The following SUMF1 variants were observed in gnomAD, a reference collection of about 807,000 sequenced individuals.
SUMF1 encodes formylglycine-generating enzyme.
SUMF1 carries 48 observed loss-of-function variants against 47.6 expected under a neutral mutation model. The observed-to-expected ratio is 1.01, with a 90% CI of 0.80 to 1.28. SUMF1 has a LOEUF of 1.28. SUMF1 is among the 50% of genes most tolerant of loss of function. The probability of loss-of-function intolerance (pLI) is 0.00; values close to 1 mark genes in which losing one functional copy is unlikely to be tolerated. For synonymous variants in SUMF1, 230 were observed against 192.1 expected (o/e 1.20, Z -1.63); for missense variants, 571 against 485.4 (o/e 1.18, Z -1.66).
chr3:4,299,127 T>A (rs945105462), intron 8 of SUMF1, among the ~76,000 whole-genome samples: 1 of 152,208 alleles, frequency 6.6e-6, no homozygotes, highest in Non-Finnish European at 1.5e-5. Flanking sequence ...TACACAACTA[T>A]ATCTGATAAA....
intron 9 of SUMF1, among the ~76,000 whole-genome samples, chr3:4,058,091 G>C (rs150573762): frequency 6.6e-6 from 1 of 152,100 alleles, no homozygotes; most frequent in African/African-American, 2.4e-5. Context: ...GAAGGAAATT[G>C]TCCCCATTTT....
At chr3:4,381,602 C>G (rs192261947) in intron 7 of SUMF1, among the ~76,000 whole-genome samples, 13 of 152,368 alleles carry the variant, frequency 8.5e-5, no homozygotes, top group African/African-American at 3.1e-4. Flanking sequence ...TTTACTATCA[C>G]TTTTTACTAA....
chr3:4,160,180 C>T (rs1467714695), intron 8 of SUMF1, among the ~76,000 whole-genome samples: 1 of 152,076 alleles, frequency 6.6e-6, no homozygotes, highest in Non-Finnish European at 1.5e-5. Flanking sequence ...TCTTTAAGGC[C>T]AATAACTCTT....
At chr3:4,436,084 C>A (rs189713017) in intron 3 of SUMF1, among the ~76,000 whole-genome samples, 19 of 152,198 alleles carry the variant, frequency 1.2e-4, no homozygotes, top group Non-Finnish European at 1.5e-5. Flanking sequence ...GAGTTTGAGA[C>A]CAGCCTGGGC....
intron 3 of SUMF1, among the ~76,000 whole-genome samples, chr3:4,445,627 G>C (rs541804618): frequency 1.6e-4 from 24 of 152,274 alleles, no homozygotes; most frequent in African/African-American, 5.3e-4. Context: ...TTGTGGGCAT[G>C]AGCCACCATG....
chr3:4,089,359 T>C (rs1228079123), intron 8 of SUMF1, among the ~76,000 whole-genome samples: 3 of 152,176 alleles, frequency 2.0e-5, no homozygotes, highest in African/African-American at 7.2e-5. Context: ...GTAAAACTGC[T>C]TGCCTAGAAA....
intron 8 of SUMF1, among the ~76,000 whole-genome samples, chr3:4,193,342 G>T (rs972391728): frequency 7.9e-5 from 12 of 152,056 alleles, no homozygotes; most frequent in Non-Finnish European, 1.8e-4. Context: ...TAATAAGACT[G>T]TAAGTGTAGC....
At chr3:4,225,534 G>A (rs931577010) in intron 8 of SUMF1, among the ~76,000 whole-genome samples, 1 of 152,124 alleles carries the variant, frequency 6.6e-6, no homozygotes, top group African/African-American at 2.4e-5. Context: ...AGATAGAACA[G>A]CAGCTTCAGT....
intron 8 of SUMF1, among the ~76,000 whole-genome samples, chr3:4,199,177 C>G (rs930194400): frequency 6.6e-6 from 1 of 152,146 alleles, no homozygotes. Context: ...CACAGCTCCA[C>G]AGAAACCTGA....
chr3:4,091,942 C>T (rs116642288), intron 8 of SUMF1, among the ~76,000 whole-genome samples: 1 of 151,704 alleles, frequency 6.6e-6, no homozygotes, highest in Non-Finnish European at 1.5e-5. Flanking sequence ...GGACCCCCCT[C>T]AAAGGACAGC....
At chr3:4,118,571 C>T (rs12107397) in intron 8 of SUMF1, among the ~76,000 whole-genome samples, 12,244 of 152,048 alleles carry the variant, frequency 0.081, 1,253 homozygotes, top group African/African-American at 0.21. Context: ...TTTTCAAGTA[C>T]TATTTATACT....
chr3:4,178,690 G>C (rs1028634452), intron 8 of SUMF1, among the ~76,000 whole-genome samples: 1 of 152,152 alleles, frequency 6.6e-6, no homozygotes, highest in African/African-American at 2.4e-5. Context: ...GTTCTGGCCA[G>C]GGCAATCAGG....
chr3:4,274,749 C>A (rs990973868), intron 8 of SUMF1, among the ~76,000 whole-genome samples: 1 of 152,054 alleles, frequency 6.6e-6, no homozygotes, highest in African/African-American at 2.4e-5. Flanking sequence ...CTCTGGTCAC[C>A]CTGCTTAGGA....
chr3:4,052,053 T>A (rs1695122302), intron 9 of SUMF1, among the ~76,000 whole-genome samples: 1 of 152,210 alleles, frequency 6.6e-6, no homozygotes, highest in Admixed American at 6.5e-5. Context: ...ATGCCAAAGC[T>A]GGTTGGCTTA....
chr3:4,050,201 T>C (rs1695081115), intron 9 of SUMF1, among the ~76,000 whole-genome samples: 1 of 151,872 alleles, frequency 6.6e-6, no homozygotes, highest in Non-Finnish European at 1.5e-5. Flanking sequence ...GGCTTGATAG[T>C]GGGGCACTTG....
intron 1 of SUMF1, among the ~76,000 whole-genome samples, chr3:4,462,410 G>A (rs2079836982): frequency 6.6e-6 from 1 of 152,218 alleles, no homozygotes; most frequent in South Asian, 2.1e-4. Flanking sequence ...GATAGCCAAA[G>A]AGAAAGGCCT....
chr3:4,140,863 T>C (rs1694054787), intron 8 of SUMF1, among the ~76,000 whole-genome samples: 1 of 151,994 alleles, frequency 6.6e-6, no homozygotes, highest in Non-Finnish European at 1.5e-5. Context: ...AATAAACCTC[T>C]CAAGGAATTG....
intron 3 of SUMF1, among the ~76,000 whole-genome samples, chr3:4,435,562 T>C (rs1033407198): frequency 6.6e-6 from 1 of 152,098 alleles, no homozygotes. Context: ...AAACCCCAAA[T>C]AGGATAATCC....
At chr3:4,259,379 A>C (rs1396886082) in intron 8 of SUMF1, among the ~76,000 whole-genome samples, 1 of 152,140 alleles carries the variant, frequency 6.6e-6, no homozygotes, top group Non-Finnish European at 1.5e-5. Context: ...TTTGACCTAC[A>C]TGTTACGTAA....
Sources: gnomAD v4.1 joint callset for allele counts (sites outside exome capture counted in the v4.1 genomes callset) on GRCh38, gnomAD v4.1.1 for gene constraint, MANE v1.5 for transcripts, NCBI Gene and HGNC (gene_info 2026-07-23, HGNC 2026-07-21) for gene names.